Variants in ABCG1 observed in about 807,000 individuals in gnomAD.
The protein encoded by ABCG1 is ATP-binding cassette sub-family G member 1.
Under a neutral mutation model 69.2 loss-of-function variants are expected in ABCG1, and 29 were observed. That is an observed-to-expected ratio of 0.42 (90% CI 0.31 to 0.57). ABCG1 has a LOEUF of 0.57. Among genes scored for constraint, ABCG1 ranks in the 20% least tolerant of loss-of-function variants. The pLI, the probability that ABCG1 is intolerant of heterozygous loss-of-function variation, is 0.15. For missense variants in ABCG1, 718 were observed against 898.1 expected (o/e 0.80, Z 2.56); for synonymous variants, 370 against 374.8 (o/e 0.99, Z 0.15).
rs28675969 is a variant in ABCG1 at position 42,283,832 on chromosome 21, C to T, written c.735-728C>T. The stretch of plus-strand genomic sequence containing the variant: ...CACCTCTGTCCCGCCTGGACAGTTG[C>T]AAAGTCCCCCCGCCCAGATGAGTGG... On this transcript the variant is annotated intron_variant, in intron 6 of 14. Transcript: ENST00000398449. Among the ~76,000 whole-genome samples, 105 of 55,520 alleles carry T rather than the reference C, an allele frequency of 1.9e-3. 4 individuals carry two copies. Among genetic ancestry groups the T allele is most frequent in the African/African-American group, 5.7e-3 (69 of 12,188 alleles). 36.4% of individuals were successfully genotyped at this position (55,520 alleles called of 152,430 possible).
intron 2 of ABCG1, chr21:42,256,476 A>T (rs7281684): frequency 0.15 from 231,610 of 1,549,682 alleles, 18,321 homozygotes; most frequent in Non-Finnish European, 0.16. Context: ...GGCTGGGTGT[A>T]CTGGCTACAG....
intron 2 of ABCG1, among the ~76,000 whole-genome samples, chr21:42,227,951 A>G (rs954997317): frequency 2.6e-5 from 4 of 152,182 alleles, no homozygotes; most frequent in Non-Finnish European, 4.4e-5. Flanking sequence ...CCAGGATCCA[A>G]TCACACCTCT....
chr21:42,283,664 A>G (rs1242722623), intron 6 of ABCG1, among the ~76,000 whole-genome samples: 1 of 126,254 alleles, frequency 7.9e-6, no homozygotes, highest in African/African-American at 2.7e-5. Flanking sequence ...CCCCCCACCC[A>G]AATGAGTGGG....
rs148170916 is a variant in ABCG1 at position 42,291,002 on chromosome 21, G to A, written c.1394-90G>A. On this transcript the variant is annotated intron_variant, in intron 11 of 14. Transcript: ENST00000398449. The surrounding 1 kb of genome is among the most constrained non-coding windows in gnomAD (Gnocchi z 6.4). ...GCCCTAGGCCAGAGCTGGGTTACCAGCCGCTCAGCTCAAGATCGCCTGTTG... is the reference window on the plus strand; with the variant it reads ...GCCCTAGGCCAGAGCTGGGTTACCAACCGCTCAGCTCAAGATCGCCTGTTG... 3.5e-4 allele frequency: 334 copies of A among 951,776 alleles called. 2 individuals are homozygous for A. In the African/African-American group the frequency reaches 4.8e-3, roughly 14 times the overall value. 59.0% of individuals were successfully genotyped at this position (951,776 alleles called of 1,614,324 possible). A position where few individuals can be genotyped will look rare whatever the true frequency, so the allele number is the denominator to read the frequency against.
chr21:42,200,468 A>C (rs1569197531), intron 1 of ABCG1, among the ~76,000 whole-genome samples: 1 of 152,158 alleles, frequency 6.6e-6, no homozygotes, highest in Non-Finnish European at 1.5e-5. Context: ...TGCAGTCTTC[A>C]TATATCAGGG....
intron 2 of ABCG1, among the ~76,000 whole-genome samples, chr21:42,208,791 T>C (rs1009617545): frequency 2.6e-5 from 4 of 152,254 alleles, no homozygotes; most frequent in Admixed American, 2.6e-4. Context: ...AGTAGTCATG[T>C]CTTTTTTTCT....
chr21:42,287,318 C>T lies in ABCG1; in HGVS notation c.974-571C>T, dbSNP rs36078877. 5.3e-5 allele frequency among the ~76,000 whole-genome samples: 8 copies of T among 152,132 alleles called. No individual in the cohort carries two copies. The East Asian group carries it at 1.4e-3, about 26-fold the overall frequency. Reference sequence around the variant, plus strand: ...GAGTGGGGAGGTGACGATTGGGATGCGAGAGGCAGGAGCAGCGGGCAGGGC... The same window carrying T: ...GAGTGGGGAGGTGACGATTGGGATGTGAGAGGCAGGAGCAGCGGGCAGGGC... On this transcript the variant is annotated intron_variant, in intron 8 of 14. Transcript: ENST00000398449. The surrounding 1 kb of genome is among the most constrained non-coding windows in gnomAD (Gnocchi z 6.2).
chr21:42,261,727 C>T (rs893491096), intron 2 of ABCG1, among the ~76,000 whole-genome samples: 72 of 152,326 alleles, frequency 4.7e-4, no homozygotes, highest in African/African-American at 1.6e-3. Flanking sequence ...CAACCTCGGC[C>T]GCGGAGCTCC....
intron 1 of ABCG1, among the ~76,000 whole-genome samples, chr21:42,222,478 G>A (rs762366023): frequency 2.0e-5 from 3 of 152,148 alleles, no homozygotes; most frequent in South Asian, 2.1e-4. Flanking sequence ...GAAAGATGCC[G>A]AAACACCCAC....
chr21:42,286,489 A>G (rs966985045), intron 8 of ABCG1, among the ~76,000 whole-genome samples: 1 of 152,174 alleles, frequency 6.6e-6, no homozygotes, highest in Non-Finnish European at 1.5e-5. Flanking sequence ...GTGTTCCATG[A>G]GACATTGTTC....
Position 42,225,648 on chromosome 21 carries a change from G to GT in ABCG1, c.43-21dup, listed in dbSNP as rs966797894. 4 of 1,610,134 alleles carry GT rather than the reference G, an allele frequency of 2.5e-6. No homozygotes were observed. In the African/African-American group the frequency reaches 5.4e-5, roughly 22 times the overall value. On this transcript the variant is annotated intron_variant, in intron 1 of 14. Transcript: ENST00000398449. The stretch of plus-strand genomic sequence containing the variant: ...CTTGATGCAGCTTATAACAGGTCTT[G>GT]TTGCTTCCTCTGGTTTTTCTAGAAT...
Position 42,219,211 on chromosome 21 carries a change from C to T in ABCG1, c.-52C>T. On this transcript the variant is annotated 5_prime_UTR_variant, in exon 1 of 15. Coordinates refer to ENST00000398449, the MANE Select transcript of ABCG1 (RefSeq NM_016818.3). The surrounding 1 kb of genome is among the most constrained non-coding windows in gnomAD (Gnocchi z 5.3). ...CCAGCGCAGCCTCGGCCCCGCAGCT[C>T]AAGCCTCGTCCCCGCCGCCGCCGCC... is the stretch of plus-strand genomic sequence containing the variant. The T allele has an allele frequency of 3.4e-6, 5 of 1,457,202 alleles. No homozygotes were observed. Among genetic ancestry groups the T allele is most frequent in the Non-Finnish European group, 4.5e-6 (5 of 1,101,290 alleles). The allele number at this position is 1,457,202 out of a possible 1,614,324, so 90.3% of individuals were successfully genotyped here. A position where few individuals can be genotyped will look rare whatever the true frequency, so the allele number is the denominator to read the frequency against.
intron 2 of ABCG1, chr21:42,256,429 G>C: frequency 1.9e-6 from 3 of 1,549,320 alleles, no homozygotes; most frequent in Non-Finnish European, 1.7e-6. Context: ...ACACCTTCCT[G>C]TCAGAGTATC....
intron 2 of ABCG1, among the ~76,000 whole-genome samples, chr21:42,245,160 C>A (rs1162439438): frequency 6.6e-6 from 1 of 152,136 alleles, no homozygotes; most frequent in East Asian, 1.9e-4. Context: ...CTAGACACCC[C>A]ACACTTTGTA....
chr21:42,235,207 G>A (rs971720971), intron 2 of ABCG1, among the ~76,000 whole-genome samples: 2 of 152,316 alleles, frequency 1.3e-5, no homozygotes, highest in Non-Finnish European at 1.5e-5. Context: ...CACCCGGGGC[G>A]GCCTGCGCTC....
chr21:42,261,841 T>A (rs1050312471), intron 2 of ABCG1, among the ~76,000 whole-genome samples: 2 of 152,216 alleles, frequency 1.3e-5, no homozygotes, highest in East Asian at 1.9e-4. Flanking sequence ...AGAGTAACAT[T>A]TGACATTTGG....
intron 2 of ABCG1, among the ~76,000 whole-genome samples, chr21:42,202,358 T>C (rs536463646): frequency 6.6e-6 from 1 of 152,254 alleles, no homozygotes; most frequent in South Asian, 2.1e-4. Context: ...AGTGCCTTTG[T>C]GCATGTATCC....
At chr21:42,250,214 C>G (rs926077966) in intron 2 of ABCG1, among the ~76,000 whole-genome samples, 1 of 152,068 alleles carries the variant, frequency 6.6e-6, no homozygotes, top group Non-Finnish European at 1.5e-5. Context: ...TCTAGCTGCG[C>G]GTGTTGACCT....
At chr21:42,220,133 C>G (rs199952352) in intron 1 of ABCG1, 1 of 1,223,570 alleles carries the variant, frequency 8.2e-7, no homozygotes, top group Non-Finnish European at 1.2e-6. Context: ...CATCAGGCCC[C>G]CAGCCACCCA....
Sources: gnomAD v4.1 joint callset for allele counts (sites outside exome capture counted in the v4.1 genomes callset) on GRCh38, gnomAD v4.1.1 for gene constraint, Gnocchi (gnomAD v3.1) non-coding constraint, MANE v1.5 for transcripts, NCBI Gene and HGNC (gene_info 2026-07-23, HGNC 2026-07-21) for gene names.